NME7: variants seen among roughly 807,000 people sequenced by gnomAD.
NME7 encodes the protein nucleoside diphosphate kinase 7.
In NME7, 41 loss-of-function variants were observed where a neutral mutation model predicts 49.1. The ratio of observed to expected loss-of-function variants is 0.83; its 90% confidence interval spans 0.65 to 1.08. The LOEUF (loss-of-function observed/expected upper bound fraction) is 1.08, where lower values mean the gene tolerates loss of function less well. Among genes scored for constraint, NME7 ranks in the 50% least tolerant of loss-of-function variants. The probability of loss-of-function intolerance (pLI) is 0.00; values close to 1 mark genes in which losing one functional copy is unlikely to be tolerated. For synonymous variants in NME7, 139 were observed against 150.6 expected, an observed-to-expected ratio of 0.92 and a Z score of 0.56; for missense variants, 423 against 463.4, an observed-to-expected ratio of 0.91 and a Z score of 0.80.
intron 3 of NME7, among the ~76,000 whole-genome samples, chr1:169,310,940 A>G (rs1651357517): frequency 6.6e-6 from 1 of 152,256 alleles, no homozygotes. Context: ...CAAATGCAAC[A>G]TAAAAACTAT....
chr1:169,238,116 G>A (rs1179756201), intron 7 of NME7, among the ~76,000 whole-genome samples: 1 of 152,018 alleles, frequency 6.6e-6, no homozygotes, highest in Non-Finnish European at 1.5e-5. Flanking sequence ...ATAGGAAGAA[G>A]CTTCACGGGG....
Position 169,262,651 on chromosome 1 carries a change from C to T in NME7, c.754+24652G>A, listed in dbSNP as rs1375796156. The stretch of plus-strand genomic sequence containing the variant: ...GGCACCAGTCTGTCGGGGCTCAGTG[C>T]AGAGCCAGGAAAACCTCTTCAACAC... On this transcript the variant is annotated intron_variant, in intron 7 of 11. Transcript: ENST00000367811. Among the ~76,000 whole-genome samples, 2 of 133,080 alleles carry T rather than the reference C, an allele frequency of 1.5e-5. 1 individual carries two copies. The highest frequency in any genetic ancestry group is 3.5e-5 in the Non-Finnish European group (2 of 56,578). 87.3% of individuals were successfully genotyped at this position (133,080 alleles called of 152,430 possible). A position where few individuals can be genotyped will look rare whatever the true frequency, so the allele number is the denominator to read the frequency against.
intron 8 of NME7, among the ~76,000 whole-genome samples, chr1:169,236,772 G>T (rs1396459583): frequency 7.1e-6 from 1 of 141,468 alleles, no homozygotes; most frequent in Admixed American, 7.2e-5. Flanking sequence ...ACTCCAGTTT[G>T]TGTCCTGGTC....
chr1:169,270,325 A>AG lies in NME7; in HGVS notation c.754+16977dup, dbSNP rs1649450615. ...ATTGTTTCTCCATTACAAGTATAAA[A>AG]GCCACTCTCCCAGATTTGGCTACCT... On this transcript the variant is annotated intron_variant, in intron 7 of 11. Coordinates refer to ENST00000367811, the MANE Select transcript of NME7 (RefSeq NM_013330.5). Among the ~76,000 whole-genome samples, 2 of 133,750 alleles carry AG rather than the reference A, an allele frequency of 1.5e-5. 1 individual carries two copies. The highest frequency in any genetic ancestry group is 3.5e-5 in the Non-Finnish European group (2 of 56,944). 87.7% of individuals were successfully genotyped at this position (133,750 alleles called of 152,430 possible). A position where few individuals can be genotyped will look rare whatever the true frequency, so the allele number is the denominator to read the frequency against.
chr1:169,303,064 A>G (rs1022896895), intron 5 of NME7, 81 bp downstream of exon 5: 5 of 899,578 alleles, frequency 5.6e-6, no homozygotes, highest in Non-Finnish European at 8.9e-6. Flanking sequence ...ATTCTCAAGT[A>G]ATAAATTTTA....
At chr1:169,266,865 C>T (rs1649333166) in intron 7 of NME7, among the ~76,000 whole-genome samples, 1 of 132,152 alleles carries the variant, frequency 7.6e-6, no homozygotes, top group Admixed American at 7.5e-5. Flanking sequence ...GTCAGGAGTT[C>T]GAGACCAGCC....
At chr1:169,206,967 C>T (rs1201163558) in intron 10 of NME7, among the ~76,000 whole-genome samples, 2 of 151,850 alleles carry the variant, frequency 1.3e-5, no homozygotes, top group African/African-American at 2.4e-5. Context: ...TTTTTCTCAT[C>T]CAAGTTCACA....
At chr1:169,299,140 C>T (rs1418780362) in intron 5 of NME7, among the ~76,000 whole-genome samples, 1 of 152,098 alleles carries the variant, frequency 6.6e-6, no homozygotes, top group Non-Finnish European at 1.5e-5. Context: ...AGTACAATTT[C>T]ACAATATATA....
chr1:169,164,925 G>A (rs140241802), intron 11 of NME7, among the ~76,000 whole-genome samples: 103 of 152,222 alleles, frequency 6.8e-4, no homozygotes, highest in Admixed American at 1.2e-3. Flanking sequence ...GCCAGCAGTG[G>A]GCATTATTAC....
chr1:169,207,658 C>T (rs767572841), intron 10 of NME7, among the ~76,000 whole-genome samples: 8 of 152,044 alleles, frequency 5.3e-5, no homozygotes, highest in Non-Finnish European at 7.4e-5. Flanking sequence ...CTGAAAAATG[C>T]AAGTATTTAT....
At chr1:169,314,261 AAAAC>A (rs1651523406) in intron 3 of NME7, among the ~76,000 whole-genome samples, 1 of 152,006 alleles carries the variant, frequency 6.6e-6, no homozygotes, top group African/African-American at 2.4e-5. Context: ...TCATGGAAAA[AAAAC>A]AAAAAAAAAT....
intron 7 of NME7, among the ~76,000 whole-genome samples, chr1:169,249,821 A>G (rs1648485318): frequency 6.6e-6 from 1 of 152,132 alleles, no homozygotes; most frequent in South Asian, 2.1e-4. Context: ...CATCCCTGGA[A>G]TGAAACCTAC....
At chr1:169,231,809 T>A (rs1476825049) in intron 9 of NME7, among the ~76,000 whole-genome samples, 1 of 152,108 alleles carries the variant, frequency 6.6e-6, no homozygotes, top group Non-Finnish European at 1.5e-5. Flanking sequence ...TCTATACCCA[T>A]CCTACAAAGA....
intron 7 of NME7, among the ~76,000 whole-genome samples, chr1:169,266,661 T>C (rs1042816951): frequency 1.5e-5 from 2 of 133,460 alleles, no homozygotes; most frequent in African/African-American, 5.1e-5. Context: ...AGTCAACCTA[T>C]CCCTGTTTGA....
chr1:169,251,182 A>T (rs11802143), intron 7 of NME7, among the ~76,000 whole-genome samples: 57,257 of 151,752 alleles, frequency 0.38, 11,504 homozygotes, highest in East Asian at 0.79. Flanking sequence ...AAATTTAGGA[A>T]TATAATATCT....
chr1:169,309,658 A>G (rs1651309585), intron 4 of NME7, among the ~76,000 whole-genome samples: 1 of 152,038 alleles, frequency 6.6e-6, no homozygotes, highest in African/African-American at 2.4e-5. Flanking sequence ...TGAGAAGTTG[A>G]TTTGTGAGCC....
chr1:169,337,983 T>C (rs1340103536), intron 1 of NME7, among the ~76,000 whole-genome samples: 1 of 152,158 alleles, frequency 6.6e-6, no homozygotes, highest in Non-Finnish European at 1.5e-5. Flanking sequence ...ATCTATCTTG[T>C]AAAGACAGAC....
At chr1:169,253,731 C>T (rs1037177342) in intron 7 of NME7, among the ~76,000 whole-genome samples, 10 of 151,952 alleles carry the variant, frequency 6.6e-5, no homozygotes, top group South Asian at 4.1e-4. Context: ...TTTTGAAATA[C>T]GTCCCATCAA....
intron 10 of NME7, among the ~76,000 whole-genome samples, chr1:169,183,970 A>ATT (rs35165011): frequency 1.3e-5 from 2 of 151,578 alleles, no homozygotes; most frequent in East Asian, 3.9e-4. Context: ...TTGTAAAAAG[A>ATT]TTTTTTTTTC....
Sources: gnomAD v4.1 joint callset for allele counts (sites outside exome capture counted in the v4.1 genomes callset) on GRCh38, gnomAD v4.1.1 for gene constraint, MANE v1.5 for transcripts, NCBI Gene and HGNC (gene_info 2026-07-23, HGNC 2026-07-21) for gene names.